FAM171B: variants seen among roughly 807,000 people sequenced by gnomAD.
FAM171B encodes protein FAM171B.
A neutral mutation model predicts 75.6 loss-of-function variants in FAM171B; 19 were observed. The observed-to-expected ratio is 0.25, with a 90% CI of 0.18 to 0.37. FAM171B has a LOEUF of 0.37. Ranked by LOEUF, FAM171B falls within the 10% of genes least tolerant of loss-of-function variation. FAM171B has a pLI of 1.00. For synonymous variants in FAM171B, 367 were observed against 361.7 expected (o/e 1.01, Z -0.17); for missense variants, 848 against 982.4 (o/e 0.86, Z 1.83).
intron 1 of FAM171B, among the ~76,000 whole-genome samples, chr2:186,725,787 T>C (rs1343564485): frequency 2.0e-5 from 3 of 152,196 alleles, no homozygotes; most frequent in Non-Finnish European, 2.9e-5. Context: ...AAATGTTGAA[T>C]AAGTGTCTGA....
chr2:186,751,317 G>C lies in FAM171B; in HGVS notation c.895+13G>C. ...GATATGAACACAGGTATGTGAGCTA[G>C]GTTAAAATAGTCTGAATATTTTACA... On this transcript the variant is annotated intron_variant, in intron 5 of 7. Transcript: ENST00000304698. The C allele has an allele frequency of 6.6e-7, 1 of 1,509,838 alleles. No individual in the cohort carries two copies. Among genetic ancestry groups the C allele is most frequent in the Non-Finnish European group, 8.9e-7 (1 of 1,118,792 alleles). 93.5% of individuals were successfully genotyped at this position (1,509,838 alleles called of 1,614,324 possible). A position where few individuals can be genotyped will look rare whatever the true frequency, so the allele number is the denominator to read the frequency against.
chr2:186,748,373 A>C (rs1393764014), intron 4 of FAM171B, among the ~76,000 whole-genome samples: 2 of 152,040 alleles, frequency 1.3e-5, no homozygotes, highest in South Asian at 4.2e-4. Flanking sequence ...ATGAGTGATA[A>C]CAGGAAATAA....
At chr2:186,696,665 T>C (rs1438361854) in intron 1 of FAM171B, among the ~76,000 whole-genome samples, 1 of 151,642 alleles carries the variant, frequency 6.6e-6, no homozygotes, top group African/African-American at 2.4e-5. Context: ...AGCTTGCAAG[T>C]GGACCCAAGT....
chr2:186,716,175 G>C (rs779671352), intron 1 of FAM171B, among the ~76,000 whole-genome samples: 13 of 152,116 alleles, frequency 8.5e-5, no homozygotes, highest in Non-Finnish European at 1.8e-4. Flanking sequence ...ACCACACCCA[G>C]CTGATTTTTA....
intron 6 of FAM171B, among the ~76,000 whole-genome samples, chr2:186,760,039 GAC>G (rs1215837854): frequency 2.6e-5 from 4 of 152,134 alleles, no homozygotes; most frequent in Non-Finnish European, 5.9e-5. Context: ...GTATTGAAGA[GAC>G]TGTCCTTTCC....
At chr2:186,730,396 CATGT>C (rs1201423134) in intron 1 of FAM171B, among the ~76,000 whole-genome samples, 2 of 152,148 alleles carry the variant, frequency 1.3e-5, no homozygotes, top group Non-Finnish European at 2.9e-5. Context: ...CACAAGTAAA[CATGT>C]ATGTATGTAT....
At chr2:186,714,375 A>G (rs1366882245) in intron 1 of FAM171B, among the ~76,000 whole-genome samples, 1 of 152,190 alleles carries the variant, frequency 6.6e-6, no homozygotes, top group Non-Finnish European at 1.5e-5. Context: ...GTAAAACAAC[A>G]CTTTACGTGA....
chr2:186,706,250 T>G (rs1449529792), intron 1 of FAM171B, among the ~76,000 whole-genome samples: 1 of 152,236 alleles, frequency 6.6e-6, no homozygotes, highest in Non-Finnish European at 1.5e-5. Flanking sequence ...TAAGCTGTTT[T>G]GGGGTCAAAA....
At chr2:186,755,377 A>G (rs1011504254) in intron 6 of FAM171B, among the ~76,000 whole-genome samples, 2 of 152,144 alleles carry the variant, frequency 1.3e-5, no homozygotes, top group Admixed American at 6.5e-5. Flanking sequence ...ATTTAGTGTT[A>G]TTTTAGTGAA....
chr2:186,761,663 G>C lies in FAM171B; in HGVS notation c.1321G>C (p.Glu441Gln), dbSNP rs908559126. The change falls in exon 8 of 8, where the codon GAA becomes CAA. Residue 441 changes from glutamate (E) to glutamine (Q), a missense_variant. Glu to Gln is a conservative substitution (Grantham distance 29, BLOSUM62 2). Coordinates refer to ENST00000304698, the MANE Select transcript of FAM171B (RefSeq NM_177454.4). Reference sequence around the variant, plus strand: ...CTCCTCATATAGTCCTCAGAAAAAGGAACCATCAAAGGCAGAAACAGAAGA... The same window carrying C: ...CTCCTCATATAGTCCTCAGAAAAAGCAACCATCAAAGGCAGAAACAGAAGA... The part of the protein sequence containing the change: ...KNSSYSPQKK[E>Q]PSKAETEERV... 6.2e-7 allele frequency: 1 copy of C among 1,611,804 alleles called. No homozygotes were observed. Among genetic ancestry groups the C allele is most frequent in the African/African-American group, 1.3e-5 (1 of 74,784 alleles).
chr2:186,709,258 A>C (rs1689777991), intron 1 of FAM171B, among the ~76,000 whole-genome samples: 1 of 152,168 alleles, frequency 6.6e-6, no homozygotes, highest in South Asian at 2.1e-4. Context: ...ACATTTCAAC[A>C]AGAGATTTGG....
intron 1 of FAM171B, among the ~76,000 whole-genome samples, chr2:186,726,705 TC>T (rs1690038675): frequency 2.0e-5 from 3 of 152,350 alleles, no homozygotes; most frequent in Admixed American, 2.0e-4. Flanking sequence ...AGGAAGTTTT[TC>T]TACTCCCTAG....
chr2:186,710,091 T>G (rs919300269), intron 1 of FAM171B, among the ~76,000 whole-genome samples: 1 of 152,186 alleles, frequency 6.6e-6, no homozygotes, highest in Non-Finnish European at 1.5e-5. Context: ...ACAACTGAAG[T>G]TTGTTCTTAT....
rs1019599863 is a variant in FAM171B at position 186,763,107 on chromosome 2, G to C, written c.*284G>C. 1 of 324,684 alleles carries C rather than the reference G, an allele frequency of 3.1e-6. No homozygotes were observed. Among genetic ancestry groups the C allele is most frequent in the Non-Finnish European group, 5.7e-6 (1 of 176,392 alleles). 20.1% of individuals were successfully genotyped at this position (324,684 alleles called of 1,614,324 possible). A position where few individuals can be genotyped will look rare whatever the true frequency, so the allele number is the denominator to read the frequency against. On this transcript the variant is annotated 3_prime_UTR_variant, in exon 8 of 8. Transcript: ENST00000304698. ...TCTGAAAATGTTGCTCAGCCAGCCAGTTTGGCCTTGACTCTCTTAAGAATA... is the reference window on the plus strand; with the variant it reads ...TCTGAAAATGTTGCTCAGCCAGCCACTTTGGCCTTGACTCTCTTAAGAATA...
At chr2:186,711,407 T>C (rs976071781) in intron 1 of FAM171B, among the ~76,000 whole-genome samples, 1 of 152,168 alleles carries the variant, frequency 6.6e-6, no homozygotes. Context: ...TTATTCTGGT[T>C]ATACCACCAT....
chr2:186,748,540 G>A (rs959700716), intron 4 of FAM171B, among the ~76,000 whole-genome samples: 5 of 152,118 alleles, frequency 3.3e-5, no homozygotes, highest in African/African-American at 1.2e-4. Flanking sequence ...AAGCAGACTT[G>A]GCCATCACAT....
intron 1 of FAM171B, among the ~76,000 whole-genome samples, chr2:186,718,234 T>C (rs999979920): frequency 4.6e-5 from 7 of 152,184 alleles, no homozygotes; most frequent in Non-Finnish European, 7.4e-5. Flanking sequence ...CCCAGAGAGG[T>C]CTTTCTGTAC....
At chr2:186,707,404 T>C in intron 1 of FAM171B, among the ~76,000 whole-genome samples, 1 of 152,200 alleles carries the variant, frequency 6.6e-6, no homozygotes, top group Non-Finnish European at 1.5e-5. Context: ...TGGCTCAGGT[T>C]ACTCTTAGCA....
chr2:186,761,285 T>G, intron 7 of FAM171B, 49 bp downstream of exon 7: 2 of 1,595,360 alleles, frequency 1.3e-6, no homozygotes, highest in Admixed American at 3.7e-5. Flanking sequence ...ATGGTATCAT[T>G]TCAGTATATT....
Sources: allele counts gnomAD v4.1 joint callset (sites outside exome capture counted in the v4.1 genomes callset), GRCh38; gene constraint gnomAD v4.1.1; transcripts MANE v1.5; gene names NCBI Gene and HGNC (gene_info 2026-07-23, HGNC 2026-07-21).